The following ARK2C variants were observed in gnomAD, a reference collection of about 807,000 sequenced individuals.
ARK2C encodes E3 ubiquitin-protein ligase ARK2C.
chr18:46,355,545 C>G, the ARK2C span, among the ~76,000 whole-genome samples: 1 of 152,200 alleles, frequency 6.6e-6, no homozygotes, highest in African/African-American at 2.4e-5. Flanking sequence ...CCTTCCCTCC[C>G]CAAACCAGCG....
the ARK2C span, among the ~76,000 whole-genome samples, chr18:46,433,970 G>C: frequency 6.6e-6 from 1 of 152,192 alleles, no homozygotes; most frequent in Non-Finnish European, 1.5e-5. Context: ...GCTGGTTCCA[G>C]GAACGGCTGG....
At chr18:46,350,532 C>T in the ARK2C span, among the ~76,000 whole-genome samples, 1 of 152,148 alleles carries the variant, frequency 6.6e-6, no homozygotes, top group African/African-American at 2.4e-5. Context: ...AGGAGCGCCC[C>T]CAACCCCAAG....
chr18:46,460,652 A>G, the ARK2C span: 18 of 152,382 alleles, frequency 1.2e-4, no homozygotes, highest in African/African-American at 4.4e-4. Flanking sequence ...AACAACTACG[A>G]ATACAAAAAA....
chr18:46,435,405 T>C, the ARK2C span: 1 of 1,601,300 alleles, frequency 6.2e-7, no homozygotes. Context: ...TGGTGAGTCT[T>C]CAGGGCCCCT....
At chr18:46,365,041 T>G in the ARK2C span, among the ~76,000 whole-genome samples, 65,694 of 152,040 alleles carry the variant, frequency 0.43, 14,408 homozygotes, top group Non-Finnish European at 0.47. Flanking sequence ...GAGTTCCCTT[T>G]CTTCTAATGC....
the ARK2C span, among the ~76,000 whole-genome samples, chr18:46,438,188 T>A: frequency 6.6e-6 from 1 of 152,360 alleles, no homozygotes; most frequent in East Asian, 1.9e-4. Flanking sequence ...TGGCTTTAGG[T>A]CTGTGGGATA....
chr18:46,343,342 A>T, the ARK2C span, among the ~76,000 whole-genome samples: 1 of 152,366 alleles, frequency 6.6e-6, no homozygotes, highest in Non-Finnish European at 1.5e-5. Flanking sequence ...TTCCACTGTG[A>T]TCTTGAACAG....
At chr18:46,451,379 A>G in the ARK2C span, among the ~76,000 whole-genome samples, 3 of 152,178 alleles carry the variant, frequency 2.0e-5, no homozygotes, top group African/African-American at 4.8e-5. Context: ...AACTGAGTTT[A>G]AAATTTTTTT....
the ARK2C span, chr18:46,450,169 A>G: frequency 7.2e-6 from 5 of 694,926 alleles, no homozygotes; most frequent in Admixed American, 8.5e-5. Flanking sequence ...TAAGAGCAGG[A>G]AAGACAATAG....
the ARK2C span, among the ~76,000 whole-genome samples, chr18:46,357,957 T>C: frequency 9.8e-5 from 15 of 152,308 alleles, no homozygotes; most frequent in South Asian, 1.5e-3. Context: ...TGTAGCCGCA[T>C]CACTCCAGTC....
chr18:46,417,623 A>G, the ARK2C span, among the ~76,000 whole-genome samples: 1 of 152,110 alleles, frequency 6.6e-6, no homozygotes, highest in African/African-American at 2.4e-5. Flanking sequence ...TTCCTGCTTC[A>G]TTTTTTCCAT....
the ARK2C span, among the ~76,000 whole-genome samples, chr18:46,370,203 C>G: frequency 1.3e-5 from 2 of 152,194 alleles, no homozygotes; most frequent in Non-Finnish European, 2.9e-5. Flanking sequence ...CCATACTGGA[C>G]CAGGCTCATC....
At chr18:46,347,053 G>A in the ARK2C span, among the ~76,000 whole-genome samples, 13 of 152,268 alleles carry the variant, frequency 8.5e-5, no homozygotes, top group Admixed American at 3.9e-4. Context: ...ATATCTTAGC[G>A]CACGGGATGG....
the ARK2C span, among the ~76,000 whole-genome samples, chr18:46,357,339 C>T: frequency 6.6e-6 from 1 of 152,268 alleles, no homozygotes. Context: ...CCAGGTGGTC[C>T]CTGCCTTTGT....
At chr18:46,431,696 A>G in the ARK2C span, among the ~76,000 whole-genome samples, 4 of 152,260 alleles carry the variant, frequency 2.6e-5, no homozygotes, top group Non-Finnish European at 4.4e-5. Flanking sequence ...CCCCACTCCT[A>G]TTGGAGCCTC....
At chr18:46,380,622 G>A in the ARK2C span, among the ~76,000 whole-genome samples, 25 of 152,276 alleles carry the variant, frequency 1.6e-4, no homozygotes, top group Non-Finnish European at 3.2e-4. Context: ...GTCGCTGGGA[G>A]GCTGGAGAAT....
At chr18:46,347,754 A>G in the ARK2C span, among the ~76,000 whole-genome samples, 4 of 152,034 alleles carry the variant, frequency 2.6e-5, no homozygotes, top group Non-Finnish European at 4.4e-5. Context: ...TTTGAATTTT[A>G]TAAGGGAAAT....
At chr18:46,351,332 G>A in the ARK2C span, among the ~76,000 whole-genome samples, 3 of 152,198 alleles carry the variant, frequency 2.0e-5, no homozygotes. Context: ...GCTGTGAGAT[G>A]GGCTGGAGCA....
At chr18:46,418,506 T>A in the ARK2C span, among the ~76,000 whole-genome samples, 1 of 152,266 alleles carries the variant, frequency 6.6e-6, no homozygotes, top group Non-Finnish European at 1.5e-5. Flanking sequence ...GTCTTGTGTC[T>A]GTTTTACATA....
Sources: gnomAD v4.1 joint callset for allele counts (sites outside exome capture counted in the v4.1 genomes callset) on GRCh38, gnomAD v4.1.1 for gene constraint, MANE v1.5 for transcripts, NCBI Gene and HGNC (gene_info 2026-07-23, HGNC 2026-07-21) for gene names.